ULK4: variants seen among roughly 807,000 people sequenced by gnomAD.
ULK4 encodes the protein inactive serine/threonine-protein kinase ULK4.
In ULK4, 133 loss-of-function variants were observed where a neutral mutation model predicts 160.6. The ratio of observed to expected loss-of-function variants is 0.83; its 90% CI spans 0.72 to 0.96. The LOEUF (loss-of-function observed/expected upper bound fraction) is 0.96. ULK4 is among the 40% of genes least tolerant of loss of function. The probability of loss-of-function intolerance (pLI) is 0.00; values close to 1 mark genes in which losing one functional copy is unlikely to be tolerated. For missense variants in ULK4, 1,580 were observed against 1,499.5 expected (o/e 1.05, Z -0.89); for synonymous variants, 534 against 539.8 (o/e 0.99, Z 0.15).
chr3:41,752,276 A>C (rs2038656256), intron 22 of ULK4, among the ~76,000 whole-genome samples: 8 of 152,158 alleles, frequency 5.3e-5, no homozygotes. Context: ...TAGTTGTTCC[A>C]GTGAAAAATG....
chr3:41,883,154 G>C (rs1160428665), intron 17 of ULK4, among the ~76,000 whole-genome samples: 2 of 152,084 alleles, frequency 1.3e-5, no homozygotes, highest in African/African-American at 2.4e-5. Context: ...CCCAGCAATT[G>C]GCTGCTGCAG....
chr3:41,565,548 G>C (rs1014516307), intron 32 of ULK4, among the ~76,000 whole-genome samples: 5 of 152,108 alleles, frequency 3.3e-5, no homozygotes, highest in African/African-American at 1.2e-4. Context: ...AGAAACCTAA[G>C]CTAGCAAGCT....
chr3:41,827,222 T>G lies in ULK4; in HGVS notation c.1765-7716A>C, dbSNP rs566140099. On this transcript the variant is annotated intron_variant, in intron 18 of 36. Transcript: ENST00000301831. ...AGAGAAAGCAGGAAAGATCTAAAATTGACACCTTAACATCACAATTAAAAG... is the reference window on the plus strand; with the variant it reads ...AGAGAAAGCAGGAAAGATCTAAAATGGACACCTTAACATCACAATTAAAAG... Among the ~76,000 whole-genome samples, 163 of 145,736 alleles carry G rather than the reference T, an allele frequency of 1.1e-3. 2 individuals carry two copies. Among genetic ancestry groups the G allele is most frequent in the African/African-American group, 4.1e-3 (158 of 38,634 alleles).
chr3:41,384,491 A>G (rs1192587729), intron 35 of ULK4, among the ~76,000 whole-genome samples: 1 of 152,138 alleles, frequency 6.6e-6, no homozygotes. Flanking sequence ...CCAGTTCAAG[A>G]CCAGCCTGGG....
chr3:41,353,708 C>T (rs1437250921), intron 35 of ULK4, among the ~76,000 whole-genome samples: 70 of 111,312 alleles, frequency 6.3e-4, no homozygotes, highest in African/African-American at 2.8e-3. Flanking sequence ...ATTACTACTA[C>T]TACTACTACT....
chr3:41,291,385 AG>A, intron 35 of ULK4, among the ~76,000 whole-genome samples: 2 of 40,826 alleles, frequency 4.9e-5, no homozygotes, highest in East Asian at 6.3e-4. Context: ...AAAGGAAGGA[AG>A]GAAGGAGAAA....
chr3:41,759,733 G>A (rs1397272481), intron 21 of ULK4, among the ~76,000 whole-genome samples: 2 of 151,958 alleles, frequency 1.3e-5, no homozygotes, highest in African/African-American at 2.4e-5. Flanking sequence ...AAAAAACTAC[G>A]GTAATCAAAA....
At chr3:41,284,440 A>G (rs189493665) in intron 35 of ULK4, among the ~76,000 whole-genome samples, 1 of 152,252 alleles carries the variant, frequency 6.6e-6, no homozygotes, top group African/African-American at 2.4e-5. Flanking sequence ...AAAAAAACCC[A>G]ATTACTTACA....
intron 32 of ULK4, among the ~76,000 whole-genome samples, chr3:41,536,937 T>C (rs931545128): frequency 2.6e-5 from 4 of 152,244 alleles, no homozygotes; most frequent in African/African-American, 9.6e-5. Flanking sequence ...TTAGTTTCAG[T>C]GCCCATATAA....
chr3:41,639,766 C>A (rs528350904), intron 30 of ULK4, among the ~76,000 whole-genome samples: 1 of 152,150 alleles, frequency 6.6e-6, no homozygotes, highest in South Asian at 2.1e-4. Context: ...TATATATTGC[C>A]CACCATTAAT....
intron 30 of ULK4, among the ~76,000 whole-genome samples, chr3:41,621,510 G>A (rs1485511270): frequency 6.6e-6 from 1 of 152,066 alleles, no homozygotes; most frequent in Non-Finnish European, 1.5e-5. Flanking sequence ...AACAAAAATG[G>A]GGAAAGGATT....
intron 35 of ULK4, among the ~76,000 whole-genome samples, chr3:41,298,954 G>T (rs1330298230): frequency 2.0e-5 from 3 of 152,170 alleles, no homozygotes; most frequent in African/African-American, 7.2e-5. Context: ...GGGTTAGTGG[G>T]TGAATGCTTG....
At chr3:41,527,148 C>T (rs2086147068) in intron 32 of ULK4, among the ~76,000 whole-genome samples, 1 of 152,200 alleles carries the variant, frequency 6.6e-6, no homozygotes, top group South Asian at 2.1e-4. Flanking sequence ...CCTGTAAGGA[C>T]AGAAGAGGGT....
In ULK4 at chr3:41,358,172, C is replaced by T. The variant is rs577255001; in HGVS notation, c.3678+39907G>A. On this transcript the variant is annotated intron_variant, in intron 35 of 36. Transcript: ENST00000301831. ...CAAACACACCACAATGGAGTGGGCT[C>T]CGCAGAACAGATTGTGGCTCAAGCC... Among the ~76,000 whole-genome samples, 12 of 152,308 alleles carry T rather than the reference C, an allele frequency of 7.9e-5. No individual in the cohort carries two copies. The South Asian group carries it at 1.7e-3, about 21-fold the overall frequency.
At chr3:41,570,517 A>AT (rs11375107) in intron 31 of ULK4, among the ~76,000 whole-genome samples, 141,229 of 152,232 alleles carry the variant, frequency 0.93, 66,017 homozygotes, top group Middle Eastern at 0.98. Context: ...TAAATCTTTT[A>AT]TTTTGGTCCC....
chr3:41,301,280 T>C (rs1159621274), intron 35 of ULK4, among the ~76,000 whole-genome samples: 1 of 149,734 alleles, frequency 6.7e-6, no homozygotes, highest in African/African-American at 2.6e-5. Flanking sequence ...CTTAACCAGC[T>C]GGCATTTTAT....
At chr3:41,704,704 G>A (rs562681939) in intron 27 of ULK4, among the ~76,000 whole-genome samples, 4 of 152,100 alleles carry the variant, frequency 2.6e-5, no homozygotes, top group Admixed American at 6.5e-5. Context: ...CAGAATGCAC[G>A]GGACAGCCCC....
chr3:41,937,827 A>C (rs1014590442), intron 3 of ULK4: 1 of 251,290 alleles, frequency 4.0e-6, no homozygotes, highest in Non-Finnish European at 7.4e-6. Context: ...ATTTATTGGG[A>C]AAACGTTTTT....
intron 35 of ULK4, among the ~76,000 whole-genome samples, chr3:41,397,361 T>C (rs895247543): frequency 3.3e-5 from 5 of 152,166 alleles, no homozygotes; most frequent in African/African-American, 9.7e-5. Context: ...ATTTCCATTT[T>C]GCAACTACTA....
Sources: gnomAD v4.1 joint callset for allele counts (sites outside exome capture counted in the v4.1 genomes callset) on GRCh38, gnomAD v4.1.1 for gene constraint, MANE v1.5 for transcripts, NCBI Gene and HGNC (gene_info 2026-07-23, HGNC 2026-07-21) for gene names.